Variants in ACTR2 observed in about 807,000 individuals in gnomAD.
ACTR2 encodes actin-related protein 2.
Under a neutral mutation model 50.2 loss-of-function variants are expected in ACTR2, and 5 were observed. The observed-to-expected ratio is 0.10, with a 90% CI of 0.05 to 0.21. The LOEUF is 0.21. Ranked by LOEUF, ACTR2 falls within the 10% of genes least tolerant of loss-of-function variation. The pLI, the probability that ACTR2 is intolerant of heterozygous loss-of-function variation, is 1.00. For missense variants in ACTR2, 180 were observed against 480.6 expected (o/e 0.37, Z 5.85); for synonymous variants, 140 against 162.9 (o/e 0.86, Z 1.07).
intron 1 of ACTR2, among the ~76,000 whole-genome samples, chr2:65,233,982 T>C (rs1558619727): frequency 6.6e-6 from 1 of 151,936 alleles, no homozygotes; most frequent in Non-Finnish European, 1.5e-5. Flanking sequence ...GGCTCAAGGC[T>C]CAACGTAGCC....
chr2:65,231,245 G>A (rs2103978541), intron 1 of ACTR2, among the ~76,000 whole-genome samples: 1 of 152,148 alleles, frequency 6.6e-6, no homozygotes, highest in Admixed American at 6.5e-5. Flanking sequence ...ATTTTCTATG[G>A]ACATGATTGG....
chr2:65,239,812 C>T (rs1356430576), intron 1 of ACTR2, 40 bp from the exon 2 acceptor site: 6 of 1,179,358 alleles, frequency 5.1e-6, no homozygotes, highest in Admixed American at 1.7e-5. Flanking sequence ...TAGTAAATAT[C>T]CTGATGCTAA....
At chr2:65,260,166 AAAT>A (rs1168693373) in intron 6 of ACTR2, among the ~76,000 whole-genome samples, 1 of 152,258 alleles carries the variant, frequency 6.6e-6, no homozygotes, top group African/African-American at 2.4e-5. Flanking sequence ...TATTTTGGCA[AAAT>A]AATAGTTTCA....
chr2:65,245,257 T>C (rs1468800327), intron 2 of ACTR2, among the ~76,000 whole-genome samples: 1 of 152,148 alleles, frequency 6.6e-6, no homozygotes, highest in Non-Finnish European at 1.5e-5. Context: ...TGGTGGCTCA[T>C]GCCTGTAATC....
chr2:65,250,616 T>C (rs558414829), intron 3 of ACTR2, among the ~76,000 whole-genome samples: 35 of 134,134 alleles, frequency 2.6e-4, no homozygotes, highest in African/African-American at 1.0e-3. Flanking sequence ...GAGGTTGCAG[T>C]GAGCCAAGAT....
At chr2:65,231,051 CAAA>C in intron 1 of ACTR2, among the ~76,000 whole-genome samples, 1 of 96,932 alleles carries the variant, frequency 1.0e-5, no homozygotes, top group Admixed American at 1.1e-4. Context: ...GAGACTGTCA[CAAA>C]AAAAAAAAAA....
intron 6 of ACTR2, among the ~76,000 whole-genome samples, chr2:65,257,530 C>T (rs2104012562): frequency 6.6e-6 from 1 of 152,312 alleles, no homozygotes; most frequent in East Asian, 1.9e-4. Flanking sequence ...ACCACATTGT[C>T]TTCCACAATG....
rs1471738411 is a variant in ACTR2 at position 65,270,358 on chromosome 2, T to TAATATA, written c.*1629_*1630insAAATAT. 6.6e-6 allele frequency: 1 copy of TAATATA among 152,628 alleles called. No homozygotes were observed. The highest frequency in any genetic ancestry group is 6.5e-5 in the Admixed American group (1 of 15,280). The allele number at this position is 152,628 out of a possible 1,614,324, so 9.5% of individuals were successfully genotyped here. A position where few individuals can be genotyped will look rare whatever the true frequency, so the allele number is the denominator to read the frequency against. ...TTAGTTTTAATTATGTAGCTTCTGTTAATATTAAGTGTTTTTTGTCTGTTT... is the reference window on the plus strand; with the variant it reads ...TTAGTTTTAATTATGTAGCTTCTGTTAATATAAATATTAAGTGTTTTTTGTCTGTTT... On this transcript the variant is annotated 3_prime_UTR_variant, in exon 9 of 9. Transcript: ENST00000260641.
intron 8 of ACTR2, among the ~76,000 whole-genome samples, chr2:65,268,053 G>A (rs1277759151): frequency 1.3e-5 from 2 of 151,454 alleles, no homozygotes. Flanking sequence ...TAGCCAGGAT[G>A]GTCTCGATCT....
chr2:65,255,925 T>C (rs1672141531), intron 6 of ACTR2, among the ~76,000 whole-genome samples: 1 of 152,226 alleles, frequency 6.6e-6, no homozygotes, highest in African/African-American at 2.4e-5. Context: ...TATACTAGGA[T>C]ATAATTAGAT....
chr2:65,255,834 CTCTT>C (rs1672139522), intron 6 of ACTR2, 140 bp downstream of exon 6: 1 of 593,578 alleles, frequency 1.7e-6, no homozygotes, highest in Non-Finnish European at 2.7e-6. Flanking sequence ...CTTTTAATGT[CTCTT>C]TCTACATTAA....
chr2:65,256,874 TAAAA>T (rs57631144), intron 6 of ACTR2, among the ~76,000 whole-genome samples: 252 of 134,210 alleles, frequency 1.9e-3, no homozygotes, highest in Admixed American at 2.1e-3. Context: ...TCCATGTCGG[TAAAA>T]AAAAAAAAAA....
At chr2:65,233,675 T>A (rs6751896) in intron 1 of ACTR2, among the ~76,000 whole-genome samples, 49,468 of 151,166 alleles carry the variant, frequency 0.33, 9,042 homozygotes, top group African/African-American at 0.48. Flanking sequence ...GTATTCATGT[T>A]ATCTCGGCTC....
intron 3 of ACTR2, among the ~76,000 whole-genome samples, chr2:65,248,486 C>G (rs944545395): frequency 2.6e-5 from 4 of 152,074 alleles, no homozygotes; most frequent in Non-Finnish European, 5.9e-5. Context: ...TTAGATTTCT[C>G]TTGTGTTGTG....
At chr2:65,249,235 T>C (rs138590647) in intron 3 of ACTR2, among the ~76,000 whole-genome samples, 41 of 152,370 alleles carry the variant, frequency 2.7e-4, no homozygotes, top group African/African-American at 8.4e-4. Flanking sequence ...TAAATGTTGA[T>C]GGAAATTTTT....
At chr2:65,228,360 C>T (rs1164824389) in intron 1 of ACTR2, 1 of 185,586 alleles carries the variant, frequency 5.4e-6, no homozygotes, top group African/African-American at 2.4e-5. Context: ...GGAGAAAGAC[C>T]TAGAGGCCTT....
At chr2:65,259,424 A>G (rs1573166703) in intron 6 of ACTR2, among the ~76,000 whole-genome samples, 1 of 152,052 alleles carries the variant, frequency 6.6e-6, no homozygotes, top group South Asian at 2.1e-4. Flanking sequence ...CCTATCTCAA[A>G]AAAAATATAT....
chr2:65,250,082 C>T (rs976669116), intron 3 of ACTR2, among the ~76,000 whole-genome samples: 15 of 152,182 alleles, frequency 9.9e-5, no homozygotes, highest in South Asian at 4.1e-4. Context: ...AGATATTTCC[C>T]GGCCGGGTGC....
intron 1 of ACTR2, among the ~76,000 whole-genome samples, chr2:65,234,144 C>G (rs572867644): frequency 6.6e-6 from 1 of 151,500 alleles, no homozygotes; most frequent in African/African-American, 2.4e-5. Context: ...ACTCCTGGGC[C>G]CAAGCAATCC....
Sources: gnomAD v4.1 joint callset for allele counts (sites outside exome capture counted in the v4.1 genomes callset) on GRCh38, gnomAD v4.1.1 for gene constraint, MANE v1.5 for transcripts, NCBI Gene and HGNC (gene_info 2026-07-23, HGNC 2026-07-21) for gene names.